The following CSMD3 variants were observed in gnomAD, a reference collection of about 807,000 sequenced individuals.
CSMD3 encodes the protein CUB and Sushi multiple domains 3.
A neutral mutation model predicts 435.2 loss-of-function variants in CSMD3; 177 were observed. The observed-to-expected ratio is 0.41, with a 90% CI of 0.36 to 0.46. CSMD3 has a LOEUF of 0.46. Ranked by LOEUF, CSMD3 falls within the 20% of genes least tolerant of loss-of-function variation. The pLI, the probability that CSMD3 is intolerant of heterozygous loss-of-function variation, is 0.34. For missense variants in CSMD3, 4,265 were observed against 4,504.6 expected, an observed-to-expected ratio of 0.95 and a Z score of 1.52; for synonymous variants, 1,656 against 1,520.5, an observed-to-expected ratio of 1.09 and a Z score of -2.07.
At chr8:113,020,918 C>T (rs1325810287) in intron 5 of CSMD3, among the ~76,000 whole-genome samples, 2 of 152,080 alleles carry the variant, frequency 1.3e-5, no homozygotes, top group Admixed American at 1.3e-4. Flanking sequence ...CATCTTTATC[C>T]CTGAAAACCC....
intron 22 of CSMD3, among the ~76,000 whole-genome samples, chr8:112,611,052 T>C (rs567966910): frequency 6.4e-4 from 97 of 152,300 alleles, no homozygotes; most frequent in Middle Eastern, 3.4e-3. Flanking sequence ...GGATTTACTA[T>C]GGACTAAAGC....
chr8:113,159,174 A>G (rs1036543082), intron 4 of CSMD3, among the ~76,000 whole-genome samples: 1 of 151,914 alleles, frequency 6.6e-6, no homozygotes, highest in Non-Finnish European at 1.5e-5. Flanking sequence ...TACCTTTTTG[A>G]AGTAATTACA....
rs183662442 is a variant in CSMD3, at chr8:113,294,554, A to G, written c.402-15850T>C. On this transcript the variant is annotated intron_variant, in intron 2 of 70. Transcript: ENST00000297405. ...AATTAGTTTTGCTAAATTTTTAATG[A>G]GTGTATCCAAATTATTCTGATGTAA... Among the ~76,000 whole-genome samples the G allele has an allele frequency of 5.1e-3, 780 of 152,268 alleles. 12 individuals carry two copies. Among genetic ancestry groups the G allele is most frequent in the African/African-American group, 0.018 (753 of 41,552 alleles).
intron 1 of CSMD3, among the ~76,000 whole-genome samples, chr8:113,322,217 C>T (rs537865718): frequency 6.6e-6 from 1 of 152,210 alleles, no homozygotes; most frequent in African/African-American, 2.4e-5. Context: ...ATTTTCTAAA[C>T]TTTTACTCAT....
intron 1 of CSMD3, among the ~76,000 whole-genome samples, chr8:113,431,370 T>C (rs1330618308): frequency 1.3e-5 from 2 of 152,230 alleles, no homozygotes; most frequent in African/African-American, 4.8e-5. Flanking sequence ...GTTCTTAGAT[T>C]TTACTTGTAT....
intron 2 of CSMD3, among the ~76,000 whole-genome samples, chr8:113,301,477 T>G (rs984279037): frequency 6.6e-6 from 1 of 152,024 alleles, no homozygotes; most frequent in African/African-American, 2.4e-5. Context: ...ACTGTTATAG[T>G]TAGAAAACAT....
chr8:112,910,429 T>G (rs1182836849), intron 10 of CSMD3, among the ~76,000 whole-genome samples: 1 of 151,768 alleles, frequency 6.6e-6, no homozygotes, highest in African/African-American at 2.4e-5. Context: ...GTTCTGCCAT[T>G]TGAGAATGAT....
chr8:112,832,639 GACA>G (rs1157498117), intron 11 of CSMD3, among the ~76,000 whole-genome samples: 15 of 152,074 alleles, frequency 9.9e-5, no homozygotes, highest in African/African-American at 3.6e-4. Context: ...ATTGAATTCT[GACA>G]ACAAGTGAGC....
At chr8:112,321,081 TC>T (rs1038887240) in intron 45 of CSMD3, among the ~76,000 whole-genome samples, 3 of 152,140 alleles carry the variant, frequency 2.0e-5, no homozygotes, top group Non-Finnish European at 4.4e-5. Context: ...TCTTTTTTTT[TC>T]CCTTAAAGTC....
At chr8:112,841,246 A>T (rs1587449613) in intron 11 of CSMD3, among the ~76,000 whole-genome samples, 2 of 151,670 alleles carry the variant, frequency 1.3e-5, no homozygotes, top group African/African-American at 2.4e-5. Flanking sequence ...TACAGTCTCC[A>T]TGTTGCCCAT....
intron 7 of CSMD3, among the ~76,000 whole-genome samples, chr8:112,963,634 CAG>C (rs1384930602): frequency 1.3e-5 from 2 of 151,656 alleles, no homozygotes; most frequent in Admixed American, 1.3e-4. Context: ...GTAAGAAACA[CAG>C]AGATTCACAA....
In CSMD3 at chr8:112,645,163, A is replaced by T. The variant is rs1260115385; in HGVS notation, c.3256T>A (p.Phe1086Ile). 6.2e-7 allele frequency: 1 copy of T among 1,610,028 alleles called. No homozygotes were observed. The highest frequency in any genetic ancestry group is 8.5e-7 in the Non-Finnish European group (1 of 1,176,468). Residue 1086 changes from phenylalanine (F) to isoleucine (I), a missense_variant, in exon 20 of 71, where the codon TTT becomes ATT. Coordinates refer to ENST00000297405, the MANE Select transcript of CSMD3 (RefSeq NM_198123.2). ...GTILSPGYPEFYPNSLNCTWT... is the reference protein window; with the variant it reads ...GTILSPGYPEIYPNSLNCTWT... The stretch of plus-strand genomic sequence containing the variant: ...GTACAATTCAGAGAATTTGGATAAA[A>T]TTCCGGGTAACCAGGTGATAAGATT...
intron 56 of CSMD3, among the ~76,000 whole-genome samples, chr8:112,290,309 C>T (rs981022112): frequency 2.0e-5 from 3 of 151,814 alleles, no homozygotes; most frequent in African/African-American, 7.3e-5. Context: ...TAAAACCTTT[C>T]AGTATATAAT....
intron 32 of CSMD3, among the ~76,000 whole-genome samples, chr8:112,459,383 T>C (rs1408314189): frequency 6.6e-6 from 1 of 151,082 alleles, no homozygotes; most frequent in Non-Finnish European, 1.5e-5. Context: ...TATTCAATTA[T>C]GTTTACAAGG....
intron 13 of CSMD3, among the ~76,000 whole-genome samples, chr8:112,750,030 C>G (rs964739425): frequency 6.6e-6 from 1 of 151,802 alleles, no homozygotes; most frequent in Admixed American, 6.6e-5. Flanking sequence ...TGGAGGAAAC[C>G]CCCTGACAAT....
At chr8:112,925,239 A>G (rs1210827605) in intron 9 of CSMD3, among the ~76,000 whole-genome samples, 2 of 151,870 alleles carry the variant, frequency 1.3e-5, no homozygotes, top group African/African-American at 4.8e-5. Flanking sequence ...CTTAATCATT[A>G]TTAAGATTTG....
At chr8:112,911,371 C>T (rs1350922672) in intron 10 of CSMD3, among the ~76,000 whole-genome samples, 1 of 151,822 alleles carries the variant, frequency 6.6e-6, no homozygotes, top group Non-Finnish European at 1.5e-5. Flanking sequence ...ATATACCCAT[C>T]ACCTCACATA....
chr8:113,147,077 TAGC>T (rs2091693014), intron 4 of CSMD3, among the ~76,000 whole-genome samples: 1 of 151,658 alleles, frequency 6.6e-6, no homozygotes, highest in Non-Finnish European at 1.5e-5. Context: ...TTTATGGCCT[TAGC>T]AGCCTTTAAA....
At chr8:112,759,454 G>C (rs1484714734) in intron 13 of CSMD3, among the ~76,000 whole-genome samples, 3 of 152,042 alleles carry the variant, frequency 2.0e-5, no homozygotes, top group South Asian at 4.1e-4. Context: ...TTTGAGTCTT[G>C]AGACTGATAA....
Sources: gnomAD v4.1 joint callset for allele counts (sites outside exome capture counted in the v4.1 genomes callset) on GRCh38, gnomAD v4.1.1 for gene constraint, MANE v1.5 for transcripts, NCBI Gene and HGNC (gene_info 2026-07-23, HGNC 2026-07-21) for gene names.